Variants in EYS observed in about 807,000 individuals in gnomAD.
EYS encodes EGF-like photoreceptor maintenance factor.
In EYS, 250 loss-of-function variants were observed where a neutral mutation model predicts 282.1. The ratio of observed to expected loss-of-function variants is 0.89; its 90% CI spans 0.80 to 0.98. The LOEUF (loss-of-function observed/expected upper bound fraction) is 0.98, where lower values mean the gene tolerates loss of function less well. Among genes scored for constraint, EYS ranks in the 50% least tolerant of loss-of-function variants. The pLI is 0.00. For missense variants in EYS, 4,016 were observed against 3,709.0 expected, an observed-to-expected ratio of 1.08 and a Z score of -2.15; for synonymous variants, 1,355 against 1,282.9, an observed-to-expected ratio of 1.06 and a Z score of -1.20.
At chr6:64,872,193 C>T (rs551941159) in intron 19 of EYS, among the ~76,000 whole-genome samples, 1 of 152,068 alleles carries the variant, frequency 6.6e-6, no homozygotes, top group African/African-American at 2.4e-5. Flanking sequence ...TCCTCATAGC[C>T]AGCCTGTTGT....
At chr6:65,176,936 T>C (rs1041236159) in intron 12 of EYS, among the ~76,000 whole-genome samples, 1 of 151,640 alleles carries the variant, frequency 6.6e-6, no homozygotes, top group African/African-American at 2.4e-5. Flanking sequence ...TAGGTATATG[T>C]TTTTCATATG....
chr6:65,540,751 T>C (rs971345128), intron 2 of EYS, among the ~76,000 whole-genome samples: 1 of 152,032 alleles, frequency 6.6e-6, no homozygotes, highest in Non-Finnish European at 1.5e-5. Context: ...AAACCCCGTC[T>C]CTACTAAAAA....
intron 8 of EYS, among the ~76,000 whole-genome samples, chr6:65,376,939 T>C: frequency 6.6e-6 from 1 of 151,976 alleles, no homozygotes; most frequent in Non-Finnish European, 1.5e-5. Context: ...ACTTTAACAC[T>C]CCACTGTCAA....
At chr6:64,453,156 A>T (rs1363731718) in intron 26 of EYS, among the ~76,000 whole-genome samples, 1 of 152,064 alleles carries the variant, frequency 6.6e-6, no homozygotes, top group East Asian at 1.9e-4. Context: ...CAACAAATTT[A>T]CAAGAAAAAA....
intron 5 of EYS, among the ~76,000 whole-genome samples, chr6:65,471,094 G>A (rs1308463259): frequency 1.3e-5 from 2 of 151,798 alleles, no homozygotes; most frequent in South Asian, 2.1e-4. Context: ...CTGAGATCGC[G>A]CCACTGCACT....
intron 33 of EYS, among the ~76,000 whole-genome samples, chr6:64,015,005 C>G (rs901366324): frequency 2.0e-5 from 3 of 152,090 alleles, no homozygotes; most frequent in Non-Finnish European, 4.4e-5. Context: ...TGATGAATAT[C>G]TGTAATCTAG....
intron 18 of EYS, among the ~76,000 whole-genome samples, chr6:64,896,336 G>A (rs542585034): frequency 1.1e-4 from 17 of 152,210 alleles, no homozygotes; most frequent in African/African-American, 3.9e-4. Flanking sequence ...AAGGGGTCAG[G>A]GGCCTCCCTC....
At chr6:63,968,441 T>A (rs1296959912) in intron 35 of EYS, among the ~76,000 whole-genome samples, 1 of 152,106 alleles carries the variant, frequency 6.6e-6, no homozygotes, top group Non-Finnish European at 1.5e-5. Context: ...CAGGGGTATG[T>A]GTGGAAACTT....
chr6:64,165,889 C>A (rs1764273545), intron 31 of EYS, among the ~76,000 whole-genome samples: 1 of 152,114 alleles, frequency 6.6e-6, no homozygotes, highest in Admixed American at 6.6e-5. Context: ...ATGCCCAATT[C>A]TGAAAGTAGG....
chr6:64,798,590 CT>C (rs1460704580), intron 22 of EYS, among the ~76,000 whole-genome samples: 2 of 142,948 alleles, frequency 1.4e-5, no homozygotes, highest in East Asian at 4.1e-4. Flanking sequence ...TTCATTCTGC[CT>C]GTTTCTTTGT....
At chr6:64,712,046 CA>C (rs1562149325) in intron 22 of EYS, among the ~76,000 whole-genome samples, 1 of 152,148 alleles carries the variant, frequency 6.6e-6, no homozygotes, top group African/African-American at 2.4e-5. Flanking sequence ...CAATCTGGTC[CA>C]AGGATTTAAC....
rs1231425232 is a variant in EYS at position 65,580,901 on chromosome 6, T to C, written c.-333+58877A>G. On this transcript the variant is annotated intron_variant, in intron 2 of 42. Transcript: ENST00000503581. ...CAAGGTAAGCCTGAAATATAGATAA[T>C]ATATTAATATTCCAGTATTTCAAAT... Among the ~76,000 whole-genome samples, 3 of 152,180 alleles carry C rather than the reference T, an allele frequency of 2.0e-5. 1 individual carries two copies. The South Asian group carries it at 6.2e-4, about 32-fold the overall frequency.
chr6:64,298,230 T>A (rs1376844388), intron 30 of EYS, among the ~76,000 whole-genome samples: 4 of 152,160 alleles, frequency 2.6e-5, no homozygotes, highest in African/African-American at 4.8e-5. Context: ...AATTGTTTTC[T>A]AAATAATTAA....
chr6:63,853,270 GC>G (rs1772306645), intron 36 of EYS, among the ~76,000 whole-genome samples: 1 of 152,152 alleles, frequency 6.6e-6, no homozygotes, highest in South Asian at 2.1e-4. Context: ...AGGCTGATAA[GC>G]AACTTCAGCA....
In EYS at chr6:63,721,083, G is replaced by T; in HGVS notation, c.8948C>A (p.Ser2983Tyr). The T allele has an allele frequency of 6.4e-7, 1 of 1,551,178 alleles. No individual in the cohort carries two copies. Among genetic ancestry groups the T allele is most frequent in the Non-Finnish European group, 8.7e-7 (1 of 1,146,690 alleles). ...RMRNLQFTTI[S>Y]LNFSTTKTEG... ...TGTTTTAGTGGTACTGAAATTTAAG[G>T]ATATAGTAGTGAACTGGAGGTTTCT... is the stretch of plus-strand genomic sequence containing the variant. Residue 2983 changes from serine (S) to tyrosine (Y), a missense_variant, in exon 43 of 43, where the codon TCC (serine) becomes TAC (tyrosine). Transcript: ENST00000503581.
intron 14 of EYS, among the ~76,000 whole-genome samples, chr6:64,985,491 A>G (rs1327623334): frequency 6.6e-6 from 1 of 151,584 alleles, no homozygotes; most frequent in Non-Finnish European, 1.5e-5. Flanking sequence ...CTGCTCTAGA[A>G]GAATTCACTT....
chr6:64,650,520 G>T (rs999824404), intron 22 of EYS, among the ~76,000 whole-genome samples: 3 of 151,974 alleles, frequency 2.0e-5, no homozygotes, highest in East Asian at 1.9e-4. Flanking sequence ...ATTCATAGGA[G>T]AATTTAACTT....
chr6:64,830,187 C>T (rs1765173287), intron 19 of EYS, among the ~76,000 whole-genome samples: 1 of 151,950 alleles, frequency 6.6e-6, no homozygotes, highest in Non-Finnish European at 1.5e-5. Flanking sequence ...AATCTAAGTA[C>T]CAGAAAATGA....
At chr6:64,767,660 C>T (rs1189864168) in intron 22 of EYS, among the ~76,000 whole-genome samples, 1 of 151,804 alleles carries the variant, frequency 6.6e-6, no homozygotes, top group Non-Finnish European at 1.5e-5. Context: ...TTATATATAC[C>T]ACATTGTCTT....
Sources: gnomAD v4.1 joint callset for allele counts (sites outside exome capture counted in the v4.1 genomes callset) on GRCh38, gnomAD v4.1.1 for gene constraint, MANE v1.5 for transcripts, NCBI Gene and HGNC (gene_info 2026-07-23, HGNC 2026-07-21) for gene names.